The following POLR2F variants were observed in gnomAD, a reference collection of about 807,000 sequenced individuals.
POLR2F encodes RNA polymerase II, I and III subunit F, also known as DNA-directed RNA polymerases I, II, and III subunit RPABC2.
Under a neutral mutation model 22.7 loss-of-function variants are expected in POLR2F, and 12 were observed. The observed-to-expected ratio is 0.53, with a 90% confidence interval of 0.34 to 0.86. POLR2F has a LOEUF of 0.86. Among genes scored for constraint, POLR2F ranks in the 40% least tolerant of loss-of-function variants. POLR2F has a pLI of 0.02. For synonymous variants in POLR2F, 57 were observed against 66.0 expected (o/e 0.86, Z 0.66); for missense variants, 126 against 171.5 (o/e 0.73, Z 1.48).
Position 37,986,627 on chromosome 22 carries a change from G to A in POLR2F, c.120+315G>A, listed in dbSNP as rs532077118. On this transcript the variant is annotated intron_variant, in intron 1 of 2. Coordinates refer to the POLR2F transcript ENST00000333418. The surrounding 1 kb of genome is among the most constrained non-coding windows in gnomAD (Gnocchi z 4.7). ...CTCCCTCTCTCTCTCCCTTGTCCCCGCACAGACACTGCCTTCCTCTCAGGG... is the reference window on the plus strand; with the variant it reads ...CTCCCTCTCTCTCTCCCTTGTCCCCACACAGACACTGCCTTCCTCTCAGGG... 75 of 652,848 alleles carry A rather than the reference G, an allele frequency of 1.1e-4. No homozygotes were observed. Among genetic ancestry groups the A allele is most frequent in the East Asian group, 6.0e-4 (19 of 31,822 alleles). The allele number at this position is 652,848 out of a possible 1,614,324, so 40.4% of individuals were successfully genotyped here. A position where few individuals can be genotyped will look rare whatever the true frequency, so the allele number is the denominator to read the frequency against.
chr22:37,992,979 C>T (rs1037654275), intron 1 of POLR2F, among the ~76,000 whole-genome samples: 1 of 152,114 alleles, frequency 6.6e-6, no homozygotes, highest in Non-Finnish European at 1.5e-5. Flanking sequence ...TGAGTGTGCC[C>T]CTTGTCTTTA....
Position 37,978,141 on chromosome 22 carries a change from G to T in POLR2F, c.293+10971G>T, listed in dbSNP as rs985410653. On this transcript the variant is annotated intron_variant, in intron 4 of 4. Transcript: ENST00000405557. The surrounding 1 kb of genome is among the most constrained non-coding windows in gnomAD (Gnocchi z 5.0). ...TGTCACTTTCGTTCAGCAGCCTGGG[G>T]TGTGGTGGGAGGCGGAGAGGACAGC... 1.9e-6 allele frequency: 3 copies of T among 1,555,052 alleles called. No individual in the cohort carries two copies. The highest frequency in any genetic ancestry group is 2.6e-6 in the Non-Finnish European group (3 of 1,151,062).
At chr22:38,040,948 G>T (rs1251454743) in intron 5 of POLR2F, 2 of 1,523,680 alleles carry the variant, frequency 1.3e-6, no homozygotes, top group African/African-American at 1.4e-5. Context: ...AGAGGAGAGA[G>T]AATAATGATG....
At chr22:37,983,913 C>T, upstream of POLR2F, 1 of 737,996 alleles carries the variant, frequency 1.4e-6, no homozygotes, top group Non-Finnish European at 1.9e-6. This position sits in a 1 kb window ranked among gnomAD's most constrained non-coding sequence, Gnocchi z 9.5. Flanking sequence ...CGCGCAGCCC[C>T]GAGGGCGGCC....
chr22:37,964,353 C>T (rs1375286742), intron 3 of POLR2F, among the ~76,000 whole-genome samples: 1 of 151,896 alleles, frequency 6.6e-6, no homozygotes, highest in Non-Finnish European at 1.5e-5. Flanking sequence ...AAGGAAAGGT[C>T]CAGGTGGAGG....
chr22:38,012,323 C>A (rs1036201674), intron 1 of POLR2F, among the ~76,000 whole-genome samples: 3 of 152,150 alleles, frequency 2.0e-5, no homozygotes, highest in Non-Finnish European at 2.9e-5. Flanking sequence ...CTCAAGTGAT[C>A]CTCCTGCCTT....
intron 4 of POLR2F, chr22:37,977,856 T>C (rs765656215): frequency 6.2e-7 from 1 of 1,605,014 alleles, no homozygotes; most frequent in South Asian, 1.1e-5. Context: ...AGCTCTGTCA[T>C]CAGCACTCAC....
At chr22:37,988,695 A>G (rs1932656170) in intron 1 of POLR2F, 1 of 154,404 alleles carries the variant, frequency 6.5e-6, no homozygotes, top group South Asian at 2.0e-4. Flanking sequence ...ACTGGAGCCT[A>G]GATCCCACCC....
intron 1 of POLR2F, among the ~76,000 whole-genome samples, chr22:38,025,002 G>C (rs892519575): frequency 3.3e-5 from 5 of 152,106 alleles, no homozygotes; most frequent in African/African-American, 1.2e-4. Context: ...TGTCAGGGAA[G>C]CCAGGTGGAG....
intron 1 of POLR2F, among the ~76,000 whole-genome samples, chr22:38,022,941 G>A (rs1018836071): frequency 1.3e-5 from 2 of 152,224 alleles, no homozygotes; most frequent in Admixed American, 6.5e-5. Context: ...AACCCAGGGT[G>A]CGGAGGTTGC....
intron 1 of POLR2F, among the ~76,000 whole-genome samples, chr22:38,024,502 G>A (rs992573241): frequency 1.3e-5 from 2 of 152,044 alleles, no homozygotes; most frequent in African/African-American, 4.8e-5. Context: ...TAGGGATCAC[G>A]GTTTTGTAAG....
chr22:37,979,603 G>C (rs1007643828), intron 4 of POLR2F, among the ~76,000 whole-genome samples: 2 of 152,116 alleles, frequency 1.3e-5, no homozygotes, highest in Non-Finnish European at 2.9e-5. Flanking sequence ...ATAGCAGAGA[G>C]TAGAGGAAGC....
At chr22:37,953,904 G>T (rs1198615067) in intron 1 of POLR2F, 97 bp downstream of exon 1, 1 of 1,402,050 alleles carries the variant, frequency 7.1e-7, no homozygotes, top group Non-Finnish European at 9.8e-7. Flanking sequence ...TAGGGGCAAT[G>T]TCTGAGGGGA....
In POLR2F at chr22:38,017,626, C is replaced by A. The variant is rs1003236233; in HGVS notation, c.121-8243C>A. 2.6e-5 allele frequency among the ~76,000 whole-genome samples: 4 copies of A among 152,180 alleles called. No individual in the cohort carries two copies. The highest frequency in any genetic ancestry group is 2.6e-4 in the Admixed American group (4 of 15,282). On this transcript the variant is annotated intron_variant, in intron 1 of 2. Transcript: ENST00000333418. The surrounding 1 kb of genome is among the most constrained non-coding windows in gnomAD (Gnocchi z 4.1). ...AGCACCTGAATGGGTCATGCAGTCCCGTCAGCATCTCAGGGCTGGAGGGGC... is the reference window on the plus strand; with the variant it reads ...AGCACCTGAATGGGTCATGCAGTCCAGTCAGCATCTCAGGGCTGGAGGGGC...
intron 3 of POLR2F, among the ~76,000 whole-genome samples, chr22:37,965,108 C>T (rs995674815): frequency 2.6e-5 from 4 of 152,040 alleles, no homozygotes; most frequent in Non-Finnish European, 5.9e-5. Flanking sequence ...CTGGTTCAAG[C>T]GATTCTCATG....
At chr22:38,038,849 C>A (rs891091822) in intron 5 of POLR2F, among the ~76,000 whole-genome samples, 1 of 151,818 alleles carries the variant, frequency 6.6e-6, no homozygotes, top group Admixed American at 6.6e-5. Context: ...GGCGCCCTCC[C>A]TCTCCCAGCG....
At chr22:38,014,502 C>G (rs1411417984) in intron 1 of POLR2F, among the ~76,000 whole-genome samples, 4 of 151,394 alleles carry the variant, frequency 2.6e-5, no homozygotes, top group African/African-American at 7.3e-5. Flanking sequence ...AGGCGCCCAC[C>G]ACCACGCCCG....
intron 1 of POLR2F, 188 bp downstream of exon 1, chr22:37,953,995 G>A: frequency 1.5e-6 from 1 of 651,594 alleles, no homozygotes; most frequent in Non-Finnish European, 2.6e-6. Flanking sequence ...GGAGGCACAG[G>A]AGGGCCCAGG....
At chr22:38,028,554 A>G (rs1399138235), downstream of POLR2F, among the ~76,000 whole-genome samples, 3 of 151,516 alleles carry the variant, frequency 2.0e-5, no homozygotes, top group Admixed American at 6.6e-5. Context: ...GTGTGCATGT[A>G]TGTGTGTGCA....
Sources: allele counts gnomAD v4.1 joint callset (sites outside exome capture counted in the v4.1 genomes callset), GRCh38; gene constraint gnomAD v4.1.1; non-coding constraint Gnocchi (gnomAD v3.1); transcripts MANE v1.5; gene names NCBI Gene and HGNC (gene_info 2026-07-23, HGNC 2026-07-21).